Variants in NCKAP1 observed in about 807,000 individuals in gnomAD.
The protein encoded by NCKAP1 is nck-associated protein 1.
A neutral mutation model predicts 151.2 loss-of-function variants in NCKAP1; 21 were observed. The observed-to-expected ratio is 0.14, with a 90% CI of 0.10 to 0.20. The LOEUF (loss-of-function observed/expected upper bound fraction) is 0.20, where lower values mean the gene tolerates loss of function less well. Among genes scored for constraint, NCKAP1 ranks in the 10% least tolerant of loss-of-function variants. The probability of loss-of-function intolerance (pLI) is 1.00; values close to 1 mark genes in which losing one functional copy is unlikely to be tolerated. For synonymous variants in NCKAP1, 484 were observed against 451.8 expected, an observed-to-expected ratio of 1.07 and a Z score of -0.90; for missense variants, 933 against 1,352.1, an observed-to-expected ratio of 0.69 and a Z score of 4.86.
At chr2:183,033,636 G>C (rs556326310) in intron 1 of NCKAP1, among the ~76,000 whole-genome samples, 1 of 152,308 alleles carries the variant, frequency 6.6e-6, no homozygotes, top group South Asian at 2.1e-4. Context: ...CTCAATATTT[G>C]AGAGTAACTG....
At chr2:182,945,334 G>T (rs1330709880) in intron 23 of NCKAP1, among the ~76,000 whole-genome samples, 1 of 152,046 alleles carries the variant, frequency 6.6e-6, no homozygotes, top group African/African-American at 2.4e-5. Context: ...GGAGTTGGAG[G>T]CTGCAGTGAG....
At chr2:183,024,817 A>G (rs1036652025) in intron 1 of NCKAP1, among the ~76,000 whole-genome samples, 4 of 152,222 alleles carry the variant, frequency 2.6e-5, no homozygotes, top group Non-Finnish European at 1.5e-5. Flanking sequence ...TTGGAAAGTT[A>G]CATCTGTCTG....
chr2:183,037,968 G>T, intron 1 of NCKAP1, 24 bp downstream of exon 1: 1 of 1,552,364 alleles, frequency 6.4e-7, no homozygotes, highest in African/African-American at 1.4e-5. Context: ...CGCCTCCGCC[G>T]CGGCCTCCCC....
In NCKAP1 at chr2:182,916,459, A is replaced by G. The variant is rs1473458300; in HGVS notation, c.*9243T>C. 1 of 152,220 alleles carries G rather than the reference A, an allele frequency of 6.6e-6. No individual in the cohort carries two copies. The highest frequency in any genetic ancestry group is 1.9e-4 in the East Asian group (1 of 5,192). 9.4% of individuals were successfully genotyped at this position (152,220 alleles called of 1,614,324 possible). On this transcript the variant is annotated 3_prime_UTR_variant, in exon 31 of 31. Coordinates refer to ENST00000361354, the MANE Select transcript of NCKAP1 (RefSeq NM_013436.5). ...TGAAATAAACCTAGACCGTGACCTC[A>G]AGGCAGTCCCAGAATCAAAGGAGTC...
At chr2:182,955,135 C>G (rs564952681) in intron 20 of NCKAP1, among the ~76,000 whole-genome samples, 1 of 152,326 alleles carries the variant, frequency 6.6e-6, no homozygotes, top group Admixed American at 6.5e-5. Flanking sequence ...CTCAAGTCAA[C>G]TGATAATTTA....
At chr2:182,993,484 C>G (rs1347549848) in intron 8 of NCKAP1, among the ~76,000 whole-genome samples, 2 of 152,132 alleles carry the variant, frequency 1.3e-5, no homozygotes, top group Non-Finnish European at 2.9e-5. Flanking sequence ...AGGAATTTAT[C>G]TATATTACAG....
chr2:182,933,202 G>A (rs1015704996), intron 26 of NCKAP1, among the ~76,000 whole-genome samples: 17 of 151,978 alleles, frequency 1.1e-4, no homozygotes, highest in South Asian at 4.2e-4. Context: ...AAGGCAGAAA[G>A]AGAAAAGGTT....
chr2:182,947,758 T>G (rs1195836800), intron 23 of NCKAP1, among the ~76,000 whole-genome samples: 1 of 152,130 alleles, frequency 6.6e-6, no homozygotes, highest in Non-Finnish European at 1.5e-5. Flanking sequence ...CTAAAAAAAT[T>G]AGAATCATCA....
At chr2:182,983,450 T>C in intron 10 of NCKAP1, 68 bp from the exon 11 acceptor site, 1 of 1,157,132 alleles carries the variant, frequency 8.6e-7, no homozygotes, top group Non-Finnish European at 1.3e-6. Context: ...TTAAAGTAAC[T>C]AGCATTATAG....
intron 1 of NCKAP1, among the ~76,000 whole-genome samples, chr2:183,036,856 C>G (rs1384929599): frequency 6.6e-6 from 1 of 150,650 alleles, no homozygotes; most frequent in Non-Finnish European, 1.5e-5. Flanking sequence ...GCCCTCTCAA[C>G]CTACAATCTA....
In NCKAP1 at chr2:182,920,765, GT is replaced by G. The variant is rs1378940334; in HGVS notation, c.*4936del. On this transcript the variant is annotated 3_prime_UTR_variant, in exon 31 of 31. Transcript: ENST00000361354. ...TCACCTCCCAAAGGCCCCACATCCT[GT>G]CACACTGATGATCAGATTTCAACAT... 1 of 152,096 alleles carries G rather than the reference GT, an allele frequency of 6.6e-6. No individual in the cohort carries two copies. Among genetic ancestry groups the G allele is most frequent in the Non-Finnish European group, 1.5e-5 (1 of 68,036 alleles). 9.4% of individuals were successfully genotyped at this position (152,096 alleles called of 1,614,324 possible).
At chr2:183,030,465 C>CA (rs544254472) in intron 1 of NCKAP1, among the ~76,000 whole-genome samples, 43 of 152,232 alleles carry the variant, frequency 2.8e-4, no homozygotes, top group African/African-American at 9.9e-4. Context: ...TTTTCTAGTA[C>CA]AATGAATTAA....
chr2:182,948,657 C>T (rs1697154450), intron 23 of NCKAP1, among the ~76,000 whole-genome samples: 2 of 152,062 alleles, frequency 1.3e-5, no homozygotes, highest in African/African-American at 4.8e-5. Context: ...AAGATAAACT[C>T]TACTAAGAAA....
intron 1 of NCKAP1, among the ~76,000 whole-genome samples, chr2:183,031,405 C>A (rs569053415): frequency 1.3e-5 from 2 of 152,052 alleles, no homozygotes; most frequent in South Asian, 4.1e-4. Context: ...CATACCTTTG[C>A]GGTTAAAAAG....
At chr2:182,948,834 T>C (rs1372304221) in intron 23 of NCKAP1, among the ~76,000 whole-genome samples, 1 of 152,240 alleles carries the variant, frequency 6.6e-6, no homozygotes, top group Non-Finnish European at 1.5e-5. Context: ...TATCTTAAAC[T>C]GTGTCAGTAA....
chr2:183,023,682 T>C, intron 2 of NCKAP1, 124 bp downstream of exon 2: 1 of 722,410 alleles, frequency 1.4e-6, no homozygotes, highest in Non-Finnish European at 2.3e-6. Flanking sequence ...ACCCTTAAGG[T>C]ATATAATCTG....
At chr2:183,002,542 T>C (rs995978900) in intron 4 of NCKAP1, among the ~76,000 whole-genome samples, 1 of 152,040 alleles carries the variant, frequency 6.6e-6, no homozygotes, top group African/African-American at 2.4e-5. Context: ...AAAGCCAGAA[T>C]AATAAGGAAC....
At chr2:183,006,953 T>C (rs952718859) in intron 2 of NCKAP1, among the ~76,000 whole-genome samples, 18 of 151,802 alleles carry the variant, frequency 1.2e-4, no homozygotes, top group Admixed American at 1.1e-3. Context: ...CTCACTGCAA[T>C]CTCTGCCTTC....
intron 2 of NCKAP1, among the ~76,000 whole-genome samples, chr2:183,021,798 T>C (rs1274988429): frequency 1.4e-4 from 22 of 151,970 alleles, no homozygotes; most frequent in Admixed American, 1.4e-3. Context: ...TGGCAGGAAA[T>C]CAGGGGTGAC....
Sources: gnomAD v4.1 joint callset for allele counts (sites outside exome capture counted in the v4.1 genomes callset) on GRCh38, gnomAD v4.1.1 for gene constraint, MANE v1.5 for transcripts, NCBI Gene and HGNC (gene_info 2026-07-23, HGNC 2026-07-21) for gene names.